PTPRK: variants seen among roughly 807,000 people sequenced by gnomAD.
PTPRK encodes receptor-type tyrosine-protein phosphatase kappa.
PTPRK carries 75 observed loss-of-function variants against 178.0 expected under a neutral mutation model. The ratio of observed to expected loss-of-function variants is 0.42; its 90% CI spans 0.35 to 0.51. The LOEUF (loss-of-function observed/expected upper bound fraction) is 0.51. PTPRK is among the 20% of genes least tolerant of loss of function. PTPRK has a pLI of 0.02. For synonymous variants in PTPRK, 637 were observed against 620.6 expected, an observed-to-expected ratio of 1.03 and a Z score of -0.39; for missense variants, 1,441 against 1,797.8, an observed-to-expected ratio of 0.80 and a Z score of 3.59.
intron 7 of PTPRK, among the ~76,000 whole-genome samples, chr6:128,091,096 T>C (rs960800335): frequency 6.6e-6 from 1 of 152,202 alleles, no homozygotes. Context: ...ATATATTTAA[T>C]GTGCAATCTG....
chr6:128,345,178 A>T (rs918869079), intron 2 of PTPRK, among the ~76,000 whole-genome samples: 1 of 152,126 alleles, frequency 6.6e-6, no homozygotes, highest in Admixed American at 6.6e-5. Context: ...AAATTCATAG[A>T]TACATGTATT....
intron 12 of PTPRK, among the ~76,000 whole-genome samples, chr6:128,065,094 C>CT (rs772313107): frequency 2.0e-5 from 3 of 152,170 alleles, no homozygotes; most frequent in Non-Finnish European, 4.4e-5. Flanking sequence ...TATAGTGCTT[C>CT]GTAAACTATC....
At chr6:128,445,100 C>A (rs893276925) in intron 1 of PTPRK, among the ~76,000 whole-genome samples, 3 of 150,208 alleles carry the variant, frequency 2.0e-5, no homozygotes, top group Non-Finnish European at 4.4e-5. Context: ...TGCGGTAGCT[C>A]ATGCCTGTAA....
intron 7 of PTPRK, among the ~76,000 whole-genome samples, chr6:128,127,347 T>C (rs1793550028): frequency 6.6e-6 from 1 of 152,218 alleles, no homozygotes; most frequent in Non-Finnish European, 1.5e-5. Context: ...GGGACTTAGA[T>C]TGAGATTTTG....
intron 1 of PTPRK, among the ~76,000 whole-genome samples, chr6:128,468,414 C>T (rs904215886): frequency 6.6e-6 from 1 of 151,806 alleles, no homozygotes; most frequent in African/African-American, 2.4e-5. Context: ...TTTATTAGGG[C>T]CTTCATTTAA....
At chr6:128,223,928 G>T (rs1333756812) in intron 5 of PTPRK, among the ~76,000 whole-genome samples, 1 of 152,124 alleles carries the variant, frequency 6.6e-6, no homozygotes, top group African/African-American at 2.4e-5. Context: ...TAGTATTGAG[G>T]TTTAATCAAG....
At chr6:128,077,114 G>T (rs1046649689) in intron 11 of PTPRK, among the ~76,000 whole-genome samples, 2 of 152,004 alleles carry the variant, frequency 1.3e-5, no homozygotes, top group African/African-American at 2.4e-5. Flanking sequence ...AAAGATAAAT[G>T]CAAGTAGCTG....
intron 2 of PTPRK, among the ~76,000 whole-genome samples, chr6:128,392,728 T>C (rs1839767248): frequency 1.5e-5 from 2 of 134,784 alleles, no homozygotes; most frequent in Admixed American, 8.2e-5. Flanking sequence ...AGATCGGAAT[T>C]TGACAAGCAA....
At chr6:128,013,014 A>G (rs1046773312) in intron 13 of PTPRK, among the ~76,000 whole-genome samples, 2 of 151,194 alleles carry the variant, frequency 1.3e-5, no homozygotes, top group East Asian at 3.9e-4. Context: ...TCCCCCATCC[A>G]CACCAAACCA....
At chr6:128,424,058 C>T (rs1310926069) in intron 1 of PTPRK, among the ~76,000 whole-genome samples, 1 of 132,390 alleles carries the variant, frequency 7.6e-6, no homozygotes, top group Non-Finnish European at 1.6e-5. Context: ...CTAGTCCCTA[C>T]AAAAAGTAAA....
chr6:128,160,962 G>A (rs1214347743), intron 7 of PTPRK, among the ~76,000 whole-genome samples: 1 of 151,518 alleles, frequency 6.6e-6, no homozygotes, highest in Non-Finnish European at 1.5e-5. Flanking sequence ...AATTTTAGGT[G>A]AGTACACCTC....
At chr6:128,298,655 G>C (rs1346185670) in intron 3 of PTPRK, among the ~76,000 whole-genome samples, 3 of 152,132 alleles carry the variant, frequency 2.0e-5, no homozygotes, top group Admixed American at 1.3e-4. Flanking sequence ...AAAGGCCGTT[G>C]ACAAAATTCA....
intron 15 of PTPRK, among the ~76,000 whole-genome samples, chr6:128,000,825 G>C (rs984879148): frequency 4.6e-5 from 7 of 151,974 alleles, no homozygotes; most frequent in Admixed American, 3.3e-4. Flanking sequence ...GGGCTCAGTG[G>C]AGCAGCCCCA....
intron 1 of PTPRK, among the ~76,000 whole-genome samples, chr6:128,427,146 A>G (rs1311777258): frequency 1.3e-5 from 2 of 152,228 alleles, no homozygotes; most frequent in African/African-American, 4.8e-5. Flanking sequence ...GCTAACACTC[A>G]GTGCCACTCT....
At chr6:128,507,894 G>A (rs377718865) in intron 1 of PTPRK, among the ~76,000 whole-genome samples, 1 of 152,148 alleles carries the variant, frequency 6.6e-6, no homozygotes, top group East Asian at 1.9e-4. Flanking sequence ...TTTACATTTC[G>A]GATTACTCAA....
At chr6:128,183,908 G>C (rs1411954342) in intron 7 of PTPRK, among the ~76,000 whole-genome samples, 3 of 152,128 alleles carry the variant, frequency 2.0e-5, no homozygotes, top group African/African-American at 7.2e-5. Context: ...TCTGTGTTCT[G>C]CAGCTGGGTG....
intron 7 of PTPRK, among the ~76,000 whole-genome samples, chr6:128,172,777 G>A (rs1800485301): frequency 6.6e-6 from 1 of 151,398 alleles, no homozygotes; most frequent in African/African-American, 2.4e-5. Context: ...ACATATGTGT[G>A]TACATACGTG....
At chr6:128,188,848 C>A (rs1803218495) in intron 6 of PTPRK, among the ~76,000 whole-genome samples, 1 of 152,198 alleles carries the variant, frequency 6.6e-6, no homozygotes, top group Non-Finnish European at 1.5e-5. Flanking sequence ...CTTCTCCTCT[C>A]CTGTCTGTAG....
intron 3 of PTPRK, among the ~76,000 whole-genome samples, chr6:128,263,366 T>G (rs565526656): frequency 6.6e-6 from 1 of 152,160 alleles, no homozygotes; most frequent in Non-Finnish European, 1.5e-5. Context: ...CTGGTAAATG[T>G]TCAACAAATG....
Sources: gnomAD v4.1 joint callset for allele counts (sites outside exome capture counted in the v4.1 genomes callset) on GRCh38, gnomAD v4.1.1 for gene constraint, MANE v1.5 for transcripts, NCBI Gene and HGNC (gene_info 2026-07-23, HGNC 2026-07-21) for gene names.